Variants in ACSM3 observed in about 807,000 individuals in gnomAD.
ACSM3 encodes the protein acyl-CoA synthetase medium chain family member 3, also known as acyl-coenzyme A synthetase ACSM3, mitochondrial.
ACSM3 carries 61 observed loss-of-function variants against 74.1 expected under a neutral mutation model. The ratio of observed to expected loss-of-function variants is 0.82; its 90% CI spans 0.67 to 1.02. The LOEUF (loss-of-function observed/expected upper bound fraction) is 1.02. ACSM3 is among the 50% of genes least tolerant of loss of function. The probability of loss-of-function intolerance (pLI) is 0.00; values close to 1 mark genes in which losing one functional copy is unlikely to be tolerated. For missense variants in ACSM3, 660 were observed against 697.0 expected, an observed-to-expected ratio of 0.95 and a Z score of 0.60; for synonymous variants, 213 against 241.5, an observed-to-expected ratio of 0.88 and a Z score of 1.09.
intron 1 of ACSM3, chr16:20,691,192 G>C: frequency 6.4e-7 from 1 of 1,564,174 alleles, no homozygotes; most frequent in Non-Finnish European, 8.6e-7. Context: ...ACTGCATGGT[G>C]AAACAGTCCT....
intron 1 of ACSM3, chr16:20,749,857 AAGG>A (rs2079976311): frequency 6.6e-6 from 1 of 152,242 alleles, no homozygotes; most frequent in African/African-American, 2.4e-5. Flanking sequence ...AGTGTAAAAG[AAGG>A]AGAAGGGAAA....
intron 1 of ACSM3, among the ~76,000 whole-genome samples, chr16:20,697,062 G>T (rs1184667842): frequency 6.6e-6 from 1 of 152,054 alleles, no homozygotes; most frequent in Non-Finnish European, 1.5e-5. Context: ...AGCAAATTCT[G>T]AAGCCAACCC....
At chr16:20,741,487 C>G in intron 1 of ACSM3, 5 of 189,888 alleles carry the variant, frequency 2.6e-5, no homozygotes, top group Non-Finnish European at 4.4e-5. Context: ...GCCGGCCCGC[C>G]CGCCCACCCC....
At chr16:20,685,281 G>C in intron 1 of ACSM3, 2 of 1,614,206 alleles carry the variant, frequency 1.2e-6, no homozygotes, top group Non-Finnish European at 1.7e-6. Flanking sequence ...GTAGGCCACA[G>C]GTCTGTGTGA....
chr16:20,712,630 G>A (rs1211882004), intron 1 of ACSM3, among the ~76,000 whole-genome samples: 1 of 151,982 alleles, frequency 6.6e-6, no homozygotes, highest in Non-Finnish European at 1.5e-5. Context: ...TCCAGGCCTG[G>A]TGCAGTGGCT....
At chr16:20,716,746 G>A (rs1335051392) in intron 1 of ACSM3, among the ~76,000 whole-genome samples, 2 of 152,062 alleles carry the variant, frequency 1.3e-5, no homozygotes, top group Non-Finnish European at 2.9e-5. Context: ...CAGGGCCTTC[G>A]CAGCCTGCAT....
chr16:20,789,792 A>G (rs911179744), intron 9 of ACSM3, among the ~76,000 whole-genome samples: 2 of 148,766 alleles, frequency 1.3e-5, no homozygotes, highest in African/African-American at 2.5e-5. Context: ...CTCCTGCTCA[A>G]CCTCCCAAGT....
chr16:20,748,437 T>C lies in ACSM3; in HGVS notation c.-189-1473T>C, dbSNP rs561821298. Among the ~76,000 whole-genome samples the C allele has an allele frequency of 2.2e-4, 33 of 152,308 alleles. No individual in the cohort carries two copies. The South Asian group carries it at 6.8e-3, about 32-fold the overall frequency. ...CACCACATTGCTAGTTCTGTGACCTTGGGGAAGTTAATTGTTCTAATCCTC... is the reference window on the plus strand; with the variant it reads ...CACCACATTGCTAGTTCTGTGACCTCGGGGAAGTTAATTGTTCTAATCCTC... On this transcript the variant is annotated intron_variant, in intron 1 of 3. Coordinates refer to the ACSM3 transcript ENST00000561584.
intron 1 of ACSM3, among the ~76,000 whole-genome samples, chr16:20,715,439 A>G (rs1732665673): frequency 6.6e-6 from 1 of 152,122 alleles, no homozygotes; most frequent in South Asian, 2.1e-4. Flanking sequence ...CCCCGTCTCC[A>G]CTAAAAATAC....
chr16:20,796,712 A>G lies in ACSM3; in HGVS notation c.1675-174A>G. ...ACTGGACTCACAGTAAATACTTAAT[A>G]TCAAGACAACTTTCCTAACAATACC... On this transcript the variant is annotated intron_variant, in intron 13 of 13. Transcript: ENST00000289416. 2.7e-6 allele frequency: 4 copies of G among 1,485,752 alleles called. No homozygotes were observed. In the South Asian group the frequency reaches 5.6e-5, roughly 21 times the overall value. 92.0% of individuals were successfully genotyped at this position (1,485,752 alleles called of 1,614,324 possible).
At chr16:20,777,325 T>G in intron 3 of ACSM3, 48 bp from the exon 4 acceptor site, 1 of 1,518,214 alleles carries the variant, frequency 6.6e-7, no homozygotes, top group Non-Finnish European at 9.1e-7. Flanking sequence ...TCTAACATAA[T>G]GAAGAATAAC....
chr16:20,747,622 C>T (rs1430917006), intron 1 of ACSM3, among the ~76,000 whole-genome samples: 1 of 152,200 alleles, frequency 6.6e-6, no homozygotes, highest in East Asian at 1.9e-4. Context: ...AGTTTTACTT[C>T]TTTGAGCACT....
In ACSM3 at chr16:20,758,880, A is replaced by G. The variant is rs199516633; in HGVS notation, c.-52+3264A>G. On this transcript the variant is annotated intron_variant, in intron 3 of 3. Coordinates refer to the ACSM3 transcript ENST00000561584. ...ACATCTTTATTTCTGCCTTCATTTC[A>G]TTATGTACCCAGTAGTCATTCAGGA... is the stretch of plus-strand genomic sequence containing the variant. Among the ~76,000 whole-genome samples, 802 of 151,674 alleles carry G rather than the reference A, an allele frequency of 5.3e-3. 8 individuals are homozygous for G. Among genetic ancestry groups the G allele is most frequent in the African/African-American group, 0.018 (760 of 41,268 alleles).
chr16:20,786,029 A>G (rs747683146), intron 8 of ACSM3, 49 bp from the exon 9 acceptor site: 10 of 1,322,702 alleles, frequency 7.6e-6, no homozygotes, highest in Non-Finnish European at 9.3e-6. Flanking sequence ...AGATGAATAA[A>G]TTTTAAGTGA....
intron 1 of ACSM3, among the ~76,000 whole-genome samples, chr16:20,732,599 A>C (rs2079837254): frequency 6.6e-6 from 1 of 152,182 alleles, no homozygotes; most frequent in South Asian, 2.1e-4. Flanking sequence ...TGAAGTCTCC[A>C]CTTTCTAGAA....
chr16:20,737,121 G>A lies in ACSM3; in HGVS notation c.-189-12789G>A, dbSNP rs773745454. The A allele has an allele frequency of 1.4e-5, 23 of 1,613,970 alleles. No individual in the cohort carries two copies. The highest frequency in any genetic ancestry group is 1.6e-4 in the Middle Eastern group (1 of 6,084). On this transcript the variant is annotated intron_variant, in intron 1 of 3. Coordinates refer to the ACSM3 transcript ENST00000561584. The stretch of plus-strand genomic sequence containing the variant: ...TCCCTGCTTTGAGTTAAGCTGTGAC[G>A]GATCCTTAGGGCTCTTCACCACCTC...
chr16:20,715,014 T>C (rs557047320), intron 1 of ACSM3, among the ~76,000 whole-genome samples: 1 of 152,262 alleles, frequency 6.6e-6, no homozygotes, highest in East Asian at 1.9e-4. Flanking sequence ...GATAGGTAGA[T>C]AGATGGATGG....
chr16:20,756,253 G>C (rs1490263917), intron 3 of ACSM3, among the ~76,000 whole-genome samples: 1 of 151,910 alleles, frequency 6.6e-6, no homozygotes, highest in Non-Finnish European at 1.5e-5. Context: ...CCCACCAACA[G>C]TGTAAAAGTG....
intron 9 of ACSM3, chr16:20,789,684 CTTTTTT>C (rs561663756): frequency 1.2e-4 from 52 of 446,414 alleles, no homozygotes; most frequent in Middle Eastern, 6.5e-4. Flanking sequence ...CTCTATTTTT[CTTTTTT>C]TTTTTTTTTT....
Sources: allele counts gnomAD v4.1 joint callset (sites outside exome capture counted in the v4.1 genomes callset), GRCh38; gene constraint gnomAD v4.1.1; transcripts MANE v1.5; gene names NCBI Gene and HGNC (gene_info 2026-07-23, HGNC 2026-07-21).